The following SLC30A7 variants were observed in gnomAD, a reference collection of about 807,000 sequenced individuals.
The protein encoded by SLC30A7 is zinc transporter 7.
In SLC30A7, 35 loss-of-function variants were observed where a neutral mutation model predicts 46.0. The ratio of observed to expected loss-of-function variants is 0.76; its 90% CI spans 0.58 to 1.01. The LOEUF (loss-of-function observed/expected upper bound fraction) is 1.01. Ranked by LOEUF, SLC30A7 falls within the 50% of genes least tolerant of loss-of-function variation. SLC30A7 has a pLI of 0.00. For synonymous variants in SLC30A7, 147 were observed against 157.8 expected, an observed-to-expected ratio of 0.93 and a Z score of 0.51; for missense variants, 464 against 451.1, an observed-to-expected ratio of 1.03 and a Z score of -0.26.
intron 8 of SLC30A7, among the ~76,000 whole-genome samples, chr1:100,955,701 C>T (rs1655185560): frequency 1.3e-5 from 2 of 151,960 alleles, no homozygotes; most frequent in East Asian, 1.9e-4. Flanking sequence ...TTCTCTATTA[C>T]AATAGTTAAT....
At chr1:100,986,792 G>C in the SLC30A7 span, among the ~76,000 whole-genome samples, 4 of 152,254 alleles carry the variant, frequency 2.6e-5, no homozygotes, top group Admixed American at 2.0e-4. Flanking sequence ...TGAATATAAA[G>C]GGACAGTGGG....
At position 100,896,274 on chromosome 1, in the gene SLC30A7, G is replaced by C. The variant is rs1650915880; in HGVS notation, c.12G>C (p.Leu4=). 2 of 1,614,098 alleles carry C rather than the reference G, an allele frequency of 1.2e-6. No individual in the cohort carries two copies. Among genetic ancestry groups the C allele is most frequent in the African/African-American group, 1.3e-5 (1 of 74,938 alleles). The stretch of plus-strand genomic sequence containing the variant: ...GCCGGGCAGAGAAGATGTTGCCCCT[G>C]TCCATCAAAGACGATGAATACAAAC... MLP[L]SIKDDEYKPP... The change falls in exon 1 of 11, where the codon CTG becomes CTC. Residue 4 remains leucine (L), a synonymous_variant. Coordinates refer to ENST00000357650, the MANE Select transcript of SLC30A7 (RefSeq NM_133496.5).
chr1:100,918,021 TA>T, intron 6 of SLC30A7, 55 bp from the exon 7 acceptor site: 1 of 1,462,690 alleles, frequency 6.8e-7, no homozygotes, highest in Non-Finnish European at 9.5e-7. Flanking sequence ...CTCTGAATTG[TA>T]AAAACTTGAA....
At chr1:100,951,047 G>A (rs1654924633) in intron 8 of SLC30A7, among the ~76,000 whole-genome samples, 1 of 152,178 alleles carries the variant, frequency 6.6e-6, no homozygotes, top group Non-Finnish European at 1.5e-5. Context: ...GGGGAAGAAG[G>A]GAAATGGGAT....
chr1:100,943,255 G>A (rs1354905719), intron 8 of SLC30A7, among the ~76,000 whole-genome samples: 1 of 152,094 alleles, frequency 6.6e-6, no homozygotes, highest in Non-Finnish European at 1.5e-5. Context: ...CCCCTCCTTG[G>A]ATTCGATTAA....
the SLC30A7 span, among the ~76,000 whole-genome samples, chr1:100,991,092 C>T: frequency 6.6e-6 from 1 of 151,864 alleles, no homozygotes; most frequent in African/African-American, 2.4e-5. Context: ...GTGTGATAAA[C>T]TTCAGTTTTC....
intron 8 of SLC30A7, among the ~76,000 whole-genome samples, chr1:100,950,083 C>T (rs1030796339): frequency 5.3e-5 from 8 of 152,188 alleles, no homozygotes; most frequent in African/African-American, 7.2e-5. Flanking sequence ...AGGAATCACC[C>T]GTCTTCTGCG....
chr1:100,969,124 G>T (rs1176018952), intron 10 of SLC30A7, among the ~76,000 whole-genome samples: 4 of 152,048 alleles, frequency 2.6e-5, no homozygotes, highest in Non-Finnish European at 5.9e-5. Flanking sequence ...CAATATGCTG[G>T]TACCACTTAT....
At chr1:100,993,697 A>G in the SLC30A7 span, among the ~76,000 whole-genome samples, 1 of 150,222 alleles carries the variant, frequency 6.7e-6, no homozygotes, top group Admixed American at 6.7e-5. Context: ...GAAGCCATAT[A>G]TAGAATCAAG....
At chr1:100,958,722 A>G (rs1655376209) in intron 8 of SLC30A7, among the ~76,000 whole-genome samples, 1 of 152,248 alleles carries the variant, frequency 6.6e-6, no homozygotes, top group African/African-American at 2.4e-5. Context: ...AGATTCAGCT[A>G]CAAATTCTGT....
At chr1:100,967,770 A>T (rs903616337) in intron 10 of SLC30A7, among the ~76,000 whole-genome samples, 13 of 152,202 alleles carry the variant, frequency 8.5e-5, no homozygotes, top group South Asian at 2.1e-4. Flanking sequence ...ATAATTCTAG[A>T]TTAGAGGAAA....
the SLC30A7 span, chr1:100,989,937 ACTT>A: frequency 1.3e-5 from 2 of 154,824 alleles, no homozygotes; most frequent in African/African-American, 4.8e-5. Flanking sequence ...TGTTGAGTCA[ACTT>A]CTTTTTGGTC....
At chr1:100,910,996 GT>G (rs1264412683) in intron 3 of SLC30A7, 66 bp from the exon 4 acceptor site, 1 of 1,260,896 alleles carries the variant, frequency 7.9e-7, no homozygotes, top group African/African-American at 1.5e-5. Flanking sequence ...CTGAATGTAT[GT>G]AATTTTACGA....
chr1:100,906,631 A>G (rs1298510473), intron 2 of SLC30A7, among the ~76,000 whole-genome samples: 5 of 151,558 alleles, frequency 3.3e-5, no homozygotes, highest in African/African-American at 9.7e-5. Context: ...TTTTGTTTCT[A>G]CCTCTCTCGC....
chr1:100,944,131 A>C (rs1166767658), intron 8 of SLC30A7, among the ~76,000 whole-genome samples: 1 of 152,102 alleles, frequency 6.6e-6, no homozygotes, highest in African/African-American at 2.4e-5. Context: ...TCTCTGCAGC[A>C]TCTGCCTCCT....
chr1:100,907,021 A>C (rs990933908), intron 3 of SLC30A7, 56 bp downstream of exon 3: 2 of 1,145,536 alleles, frequency 1.7e-6, no homozygotes, highest in Non-Finnish European at 2.6e-6. Flanking sequence ...ACACAAAAAA[A>C]CACTAATCTT....
chr1:100,917,181 A>C (rs1452660560), intron 6 of SLC30A7, among the ~76,000 whole-genome samples: 1 of 152,206 alleles, frequency 6.6e-6, no homozygotes, highest in Non-Finnish European at 1.5e-5. Flanking sequence ...ATCCCAAAAT[A>C]ATGTTGAAAA....
chr1:100,969,474 T>G (rs1385801386), intron 10 of SLC30A7, among the ~76,000 whole-genome samples: 2 of 152,182 alleles, frequency 1.3e-5, no homozygotes. Context: ...GGAATGCAAT[T>G]TCTAGTTTTA....
At chr1:100,958,720 C>G (rs924550593) in intron 8 of SLC30A7, among the ~76,000 whole-genome samples, 1 of 152,334 alleles carries the variant, frequency 6.6e-6, no homozygotes, top group Middle Eastern at 3.4e-3. Flanking sequence ...ACAGATTCAG[C>G]TACAAATTCT....
Sources: gnomAD v4.1 joint callset for allele counts (sites outside exome capture counted in the v4.1 genomes callset) on GRCh38, gnomAD v4.1.1 for gene constraint, MANE v1.5 for transcripts, NCBI Gene and HGNC (gene_info 2026-07-23, HGNC 2026-07-21) for gene names.